The following ADAM23 variants were observed in gnomAD, a reference collection of about 807,000 sequenced individuals.
ADAM23 encodes the protein ADAM metallopeptidase domain 23.
In ADAM23, 33 loss-of-function variants were observed where a neutral mutation model predicts 120.1. The ratio of observed to expected loss-of-function variants is 0.27; its 90% confidence interval spans 0.21 to 0.37. The LOEUF (loss-of-function observed/expected upper bound fraction) is 0.37. Ranked by LOEUF, ADAM23 falls within the 10% of genes least tolerant of loss-of-function variation. The probability of loss-of-function intolerance (pLI) is 1.00; values close to 1 mark genes in which losing one functional copy is unlikely to be tolerated. For missense variants in ADAM23, 862 were observed against 1,058.2 expected, an observed-to-expected ratio of 0.81 and a Z score of 2.57; for synonymous variants, 367 against 375.2, an observed-to-expected ratio of 0.98 and a Z score of 0.25.
intron 18 of ADAM23, among the ~76,000 whole-genome samples, chr2:206,577,654 G>A (rs1486619970): frequency 3.5e-5 from 5 of 141,842 alleles, no homozygotes; most frequent in Middle Eastern, 3.6e-3. Context: ...TCTTAATCCA[G>A]TCTATCATTG....
At chr2:206,467,768 T>A (rs564438228) in intron 2 of ADAM23, among the ~76,000 whole-genome samples, 1 of 152,316 alleles carries the variant, frequency 6.6e-6, no homozygotes, top group South Asian at 2.1e-4. Context: ...TACTAGAGGT[T>A]CTCCATGAGG....
rs1698519249 is a variant in ADAM23, at chr2:206,596,077, T to A, written c.2274T>A (p.Ile758=). The change falls in exon 24 of 26, where the codon ATT becomes ATA. Residue 758 remains isoleucine (I), a synonymous_variant. Coordinates refer to ENST00000264377, the MANE Select transcript of ADAM23 (RefSeq NM_003812.4). ...HGVCSNEATC[I]CDFTWAGTDC... Reference sequence around the variant, plus strand: ...TGTGTAGTAATGAAGCCACCTGCATTTGTGATTTCACCTGGGCAGGGACAG... The same window carrying A: ...TGTGTAGTAATGAAGCCACCTGCATATGTGATTTCACCTGGGCAGGGACAG... The A allele has an allele frequency of 6.2e-7, 1 of 1,614,012 alleles. No individual in the cohort carries two copies. The highest frequency in any genetic ancestry group is 1.3e-5 in the African/African-American group (1 of 75,046).
At chr2:206,447,352 C>T (rs1209859641) in intron 2 of ADAM23, among the ~76,000 whole-genome samples, 1 of 152,156 alleles carries the variant, frequency 6.6e-6, no homozygotes, top group Admixed American at 6.5e-5. Flanking sequence ...ACATTTGTTG[C>T]ACCTTTCTCA....
At chr2:206,538,769 TATTATTATC>T (rs1478260441) in intron 4 of ADAM23, among the ~76,000 whole-genome samples, 2 of 152,142 alleles carry the variant, frequency 1.3e-5, no homozygotes, top group Non-Finnish European at 2.9e-5. Context: ...TTACTATTAT[TATTATTATC>T]ATTATTATTT....
At chr2:206,487,694 C>A (rs142739955) in intron 3 of ADAM23, among the ~76,000 whole-genome samples, 1 of 152,204 alleles carries the variant, frequency 6.6e-6, no homozygotes, top group Non-Finnish European at 1.5e-5. Context: ...TTCTTTTAGC[C>A]CCTGCCCGAT....
At chr2:206,597,619 C>G (rs1221829311) in intron 24 of ADAM23, among the ~76,000 whole-genome samples, 1 of 152,136 alleles carries the variant, frequency 6.6e-6, no homozygotes, top group Non-Finnish European at 1.5e-5. Flanking sequence ...TACATTGTAC[C>G]TAAGAAACCA....
chr2:206,609,098 C>T (rs573767410), intron 24 of ADAM23, among the ~76,000 whole-genome samples: 50 of 152,304 alleles, frequency 3.3e-4, no homozygotes, highest in Non-Finnish European at 5.9e-4. Context: ...TATGGATTAG[C>T]TCTTACCCTT....
chr2:206,546,297 C>G (rs148840261), intron 6 of ADAM23, among the ~76,000 whole-genome samples: 43 of 152,188 alleles, frequency 2.8e-4, no homozygotes, highest in African/African-American at 8.7e-4. Flanking sequence ...ATCTTTTCAC[C>G]TTTTACCAGA....
chr2:206,473,755 C>T (rs1003080889), intron 2 of ADAM23, among the ~76,000 whole-genome samples: 7 of 151,484 alleles, frequency 4.6e-5, no homozygotes, highest in African/African-American at 1.7e-4. Context: ...ACCTATAATC[C>T]CAGCACTTTT....
chr2:206,500,321 A>T (rs1228646072), intron 3 of ADAM23, among the ~76,000 whole-genome samples: 2 of 152,092 alleles, frequency 1.3e-5, no homozygotes, highest in East Asian at 3.9e-4. Flanking sequence ...AAATTATATG[A>T]CTCTCAAAGT....
intron 21 of ADAM23, 63 bp downstream of exon 21, chr2:206,589,577 A>G: frequency 1.5e-6 from 2 of 1,331,238 alleles, no homozygotes; most frequent in Non-Finnish European, 2.1e-6. Context: ...GCAAGTGCAA[A>G]ATGAGCACAA....
intron 1 of ADAM23, among the ~76,000 whole-genome samples, chr2:206,444,957 A>G (rs1388498958): frequency 1.3e-5 from 2 of 151,950 alleles, no homozygotes; most frequent in Non-Finnish European, 2.9e-5. Flanking sequence ...GGACCCCTGA[A>G]CATGTTCATT....
At chr2:206,449,117 AT>A (rs1695140747) in intron 2 of ADAM23, among the ~76,000 whole-genome samples, 1 of 152,148 alleles carries the variant, frequency 6.6e-6, no homozygotes, top group Non-Finnish European at 1.5e-5. Flanking sequence ...GTGATGGAGA[AT>A]CTGCAGAATT....
chr2:206,511,517 T>C (rs906347445), intron 3 of ADAM23, among the ~76,000 whole-genome samples: 3 of 152,194 alleles, frequency 2.0e-5, no homozygotes, highest in African/African-American at 7.2e-5. Context: ...TTGATCACTC[T>C]TCACCAGTCT....
At chr2:206,465,146 AG>A (rs1695518282) in intron 2 of ADAM23, among the ~76,000 whole-genome samples, 1 of 152,156 alleles carries the variant, frequency 6.6e-6, no homozygotes, top group African/African-American at 2.4e-5. Flanking sequence ...TTTGGGCTTA[AG>A]CAATCCTCAG....
chr2:206,562,074 T>C, intron 12 of ADAM23, 129 bp from the exon 13 acceptor site: 1 of 693,864 alleles, frequency 1.4e-6, no homozygotes, highest in Non-Finnish European at 2.5e-6. Context: ...AAGTAGCATA[T>C]GCCATCTTAA....
intron 2 of ADAM23, among the ~76,000 whole-genome samples, chr2:206,471,095 G>A (rs535284259): frequency 3.3e-5 from 5 of 152,148 alleles, no homozygotes; most frequent in Admixed American, 6.5e-5. Flanking sequence ...GTGAATCGAG[G>A]TATTTCAGGA....
chr2:206,564,963 A>G (rs1697848459), intron 13 of ADAM23, 57 bp from the exon 14 acceptor site: 1 of 1,588,946 alleles, frequency 6.3e-7, no homozygotes, highest in African/African-American at 1.3e-5. Flanking sequence ...CCAAAAAAAT[A>G]TGTGACTTTC....
chr2:206,553,452 T>C (rs1697575680), intron 9 of ADAM23, among the ~76,000 whole-genome samples: 2 of 152,052 alleles, frequency 1.3e-5, no homozygotes, highest in Admixed American at 1.3e-4. Context: ...GAGGAAAGCT[T>C]TTATTTTTGA....
Sources: allele counts gnomAD v4.1 joint callset (sites outside exome capture counted in the v4.1 genomes callset), GRCh38; gene constraint gnomAD v4.1.1; transcripts MANE v1.5; gene names NCBI Gene and HGNC (gene_info 2026-07-23, HGNC 2026-07-21).